RBFOX1: variants seen among roughly 807,000 people sequenced by gnomAD.
RBFOX1 encodes the protein RNA binding fox-1 homolog 1, also known as RNA binding protein fox-1 homolog 1.
Under a neutral mutation model 57.7 loss-of-function variants are expected in RBFOX1, and 8 were observed. That is an observed-to-expected ratio of 0.14 (90% CI 0.08 to 0.25). The LOEUF (loss-of-function observed/expected upper bound fraction) is 0.25. Ranked by LOEUF, RBFOX1 falls within the 10% of genes least tolerant of loss-of-function variation. The pLI is 1.00. For missense variants in RBFOX1, 611 were observed against 548.5 expected (o/e 1.11, Z -1.14); for synonymous variants, 326 against 222.4 (o/e 1.47, Z -4.15).
At chr16:6,563,660 G>A (rs748884411) in intron 2 of RBFOX1, among the ~76,000 whole-genome samples, 8 of 151,970 alleles carry the variant, frequency 5.3e-5, no homozygotes, top group Non-Finnish European at 8.8e-5. Flanking sequence ...TATCAGCAAC[G>A]TGGCAAAAGC....
chr16:6,458,813 A>G (rs2094839352), intron 2 of RBFOX1, among the ~76,000 whole-genome samples: 1 of 152,228 alleles, frequency 6.6e-6, no homozygotes, highest in African/African-American at 2.4e-5. Context: ...TAGGACAAAC[A>G]CATCATATCA....
At chr16:5,918,187 T>C (rs546431206) in intron 4 of RBFOX1, among the ~76,000 whole-genome samples, 266 of 152,308 alleles carry the variant, frequency 1.7e-3, no homozygotes, top group Non-Finnish European at 3.2e-3. Flanking sequence ...TGGCACAATC[T>C]CAGGTCACTG....
At chr16:5,668,102 G>A (rs1315634661) in intron 3 of RBFOX1, among the ~76,000 whole-genome samples, 3 of 152,064 alleles carry the variant, frequency 2.0e-5, no homozygotes, top group African/African-American at 4.8e-5. Context: ...TCAATATCGT[G>A]AAACTCTGTC....
intron 4 of RBFOX1, among the ~76,000 whole-genome samples, chr16:7,443,501 C>G (rs1374332507): frequency 6.6e-6 from 1 of 151,822 alleles, no homozygotes; most frequent in Non-Finnish European, 1.5e-5. Context: ...GGCTAAGAAC[C>G]TTGAATCCTG....
chr16:6,397,648 A>G (rs1286143840), intron 2 of RBFOX1, among the ~76,000 whole-genome samples: 2 of 152,230 alleles, frequency 1.3e-5, no homozygotes, highest in Non-Finnish European at 1.5e-5. Context: ...AAAGGTTATA[A>G]TGCTTCTTTG....
At chr16:5,968,445 T>C (rs1324163332) in intron 4 of RBFOX1, among the ~76,000 whole-genome samples, 1 of 152,204 alleles carries the variant, frequency 6.6e-6, no homozygotes, top group Non-Finnish European at 1.5e-5. Flanking sequence ...GTTTACAGTT[T>C]ATATCCTTTC....
chr16:6,582,769 T>G (rs2097554509), intron 2 of RBFOX1, among the ~76,000 whole-genome samples: 1 of 151,386 alleles, frequency 6.6e-6, no homozygotes, highest in African/African-American at 2.4e-5. Context: ...CCCCTTTCTT[T>G]CCTTCCTCTT....
chr16:6,073,499 G>A (rs1939804053), intron 1 of RBFOX1, among the ~76,000 whole-genome samples: 1 of 152,146 alleles, frequency 6.6e-6, no homozygotes, highest in South Asian at 2.1e-4. Context: ...TATGCTAATA[G>A]GAAAAACTGC....
chr16:5,466,364 C>T (rs1295054480), intron 1 of RBFOX1, among the ~76,000 whole-genome samples: 2 of 152,058 alleles, frequency 1.3e-5, no homozygotes, highest in Non-Finnish European at 2.9e-5. Flanking sequence ...GGTTTGATCT[C>T]CTCCATGGGG....
chr16:5,280,317 C>T (rs116381458), intron 1 of RBFOX1, among the ~76,000 whole-genome samples: 1,904 of 152,250 alleles, frequency 0.013, 31 homozygotes, highest in African/African-American at 0.043. Context: ...CTTGTTCATT[C>T]ATCATTAGAT....
intron 3 of RBFOX1, among the ~76,000 whole-genome samples, chr16:6,703,518 C>G (rs1259682464): frequency 2.0e-5 from 3 of 151,846 alleles, no homozygotes; most frequent in East Asian, 1.9e-4. Context: ...TCAAGGCAGC[C>G]TAGGCAACAT....
intron 3 of RBFOX1, among the ~76,000 whole-genome samples, chr16:6,736,718 C>G (rs549701860): frequency 3.3e-5 from 5 of 152,100 alleles, no homozygotes; most frequent in African/African-American, 1.2e-4. Context: ...ACTTTTAGTT[C>G]CTTAATGAAT....
chr16:6,026,816 A>G (rs1172891015), intron 1 of RBFOX1, among the ~76,000 whole-genome samples: 2 of 152,148 alleles, frequency 1.3e-5, no homozygotes, highest in Non-Finnish European at 2.9e-5. Context: ...CGCTCTGAGT[A>G]TGATTTTGAG....
At chr16:5,759,403 A>G (rs971567320) in intron 3 of RBFOX1, among the ~76,000 whole-genome samples, 2 of 152,112 alleles carry the variant, frequency 1.3e-5, no homozygotes, top group South Asian at 2.1e-4. Flanking sequence ...ACCTTGTACA[A>G]TTCCTGACCT....
At chr16:5,610,948 G>T (rs1300145278) in intron 3 of RBFOX1, among the ~76,000 whole-genome samples, 2 of 152,104 alleles carry the variant, frequency 1.3e-5, no homozygotes, top group Non-Finnish European at 2.9e-5. Context: ...CTCAAGTTGT[G>T]GGCTGTGGTT....
At chr16:6,324,036 G>A (rs575843619) in intron 2 of RBFOX1, among the ~76,000 whole-genome samples, 1 of 152,272 alleles carries the variant, frequency 6.6e-6, no homozygotes, top group African/African-American at 2.4e-5. Context: ...GCCTCCCAAA[G>A]TGCTGAGATT....
chr16:5,618,388 A>T (rs886386032), intron 3 of RBFOX1, among the ~76,000 whole-genome samples: 23 of 152,040 alleles, frequency 1.5e-4, no homozygotes, highest in African/African-American at 5.3e-4. Flanking sequence ...CCCAGGCTGC[A>T]GTGCAGTGGT....
intron 1 of RBFOX1, among the ~76,000 whole-genome samples, chr16:6,255,808 G>T (rs768045576): frequency 6.6e-6 from 1 of 152,006 alleles, no homozygotes; most frequent in Non-Finnish European, 1.5e-5. Context: ...ACGAAACACC[G>T]CATGTTCTCA....
intron 2 of RBFOX1, among the ~76,000 whole-genome samples, chr16:5,493,943 C>G (rs1398373819): frequency 6.6e-6 from 1 of 152,046 alleles, no homozygotes. Context: ...AAGGAAAAAA[C>G]AAAAGAAAAA....
Sources: gnomAD v4.1 joint callset for allele counts (sites outside exome capture counted in the v4.1 genomes callset) on GRCh38, gnomAD v4.1.1 for gene constraint, MANE v1.5 for transcripts, NCBI Gene and HGNC (gene_info 2026-07-23, HGNC 2026-07-21) for gene names.